Variants in NAALADL2 observed in about 807,000 individuals in gnomAD.
The protein encoded by NAALADL2 is inactive N-acetylated-alpha-linked acidic dipeptidase-like protein 2.
NAALADL2 carries 76 observed loss-of-function variants against 87.2 expected under a neutral mutation model. The observed-to-expected ratio is 0.87, with a 90% confidence interval of 0.72 to 1.05. NAALADL2 has a LOEUF of 1.05. Among genes scored for constraint, NAALADL2 ranks in the 50% least tolerant of loss-of-function variants. NAALADL2 has a pLI of 0.00. For missense variants in NAALADL2, 1,089 were observed against 945.8 expected (o/e 1.15, Z -1.99); for synonymous variants, 354 against 331.0 (o/e 1.07, Z -0.75).
intron 2 of NAALADL2, among the ~76,000 whole-genome samples, chr3:174,671,973 G>A (rs1184868651): frequency 7.6e-6 from 1 of 130,856 alleles, no homozygotes; most frequent in Non-Finnish European, 1.8e-5. Context: ...CAGTGGTGAT[G>A]ATGGCATTGT....
chr3:174,805,203 G>A (rs552812221), intron 3 of NAALADL2, among the ~76,000 whole-genome samples: 5 of 152,078 alleles, frequency 3.3e-5, no homozygotes, highest in African/African-American at 9.7e-5. Context: ...AAACCAAGTG[G>A]TTGCTTCCTA....
chr3:175,658,571 T>C (rs1267593098), intron 11 of NAALADL2, among the ~76,000 whole-genome samples: 2 of 152,194 alleles, frequency 1.3e-5, no homozygotes, highest in Admixed American at 1.3e-4. Flanking sequence ...TGATAGCTTT[T>C]CTGCTTCTTT....
chr3:175,757,218 G>A (rs1747386887), intron 13 of NAALADL2, among the ~76,000 whole-genome samples: 1 of 151,698 alleles, frequency 6.6e-6, no homozygotes, highest in Non-Finnish European at 1.5e-5. Context: ...GTTATAACTA[G>A]GACTAAGGAA....
intron 1 of NAALADL2, among the ~76,000 whole-genome samples, chr3:174,534,711 T>A (rs540406554): frequency 6.6e-6 from 1 of 152,324 alleles, no homozygotes; most frequent in Admixed American, 6.5e-5. Context: ...ATGGCGCCAT[T>A]ATGTTTGAGT....
chr3:174,628,105 T>C (rs1266949308), intron 2 of NAALADL2, among the ~76,000 whole-genome samples: 1 of 152,096 alleles, frequency 6.6e-6, no homozygotes, highest in Non-Finnish European at 1.5e-5. Flanking sequence ...AAATTAAACA[T>C]AATTGTTGTT....
intron 11 of NAALADL2, among the ~76,000 whole-genome samples, chr3:175,666,626 A>G (rs565901915): frequency 6.6e-6 from 1 of 152,276 alleles, no homozygotes; most frequent in African/African-American, 2.4e-5. Context: ...AAGAGTTCAA[A>G]TTTGTTTTAT....
intron 3 of NAALADL2, among the ~76,000 whole-genome samples, chr3:174,828,054 T>C (rs1490466248): frequency 6.6e-6 from 1 of 152,102 alleles, no homozygotes; most frequent in African/African-American, 2.4e-5. Context: ...TGGTGGCTCA[T>C]ACCTGTAGTC....
intron 1 of NAALADL2, among the ~76,000 whole-genome samples, chr3:175,028,035 C>A (rs1219174447): frequency 6.6e-6 from 1 of 152,024 alleles, no homozygotes; most frequent in African/African-American, 2.4e-5. Flanking sequence ...AATTAACCTT[C>A]AGAAACTTTG....
chr3:175,217,060 C>T (rs569350152), intron 2 of NAALADL2, among the ~76,000 whole-genome samples: 4 of 152,286 alleles, frequency 2.6e-5, no homozygotes, highest in Admixed American at 2.6e-4. Context: ...GTATCTAAAA[C>T]ATTGATTCAC....
chr3:174,483,373 G>A (rs964101209), intron 1 of NAALADL2, among the ~76,000 whole-genome samples: 1 of 151,948 alleles, frequency 6.6e-6, no homozygotes, highest in African/African-American at 2.4e-5. Context: ...AAGGGGGAAA[G>A]AGTCCCTTAT....
intron 2 of NAALADL2, among the ~76,000 whole-genome samples, chr3:174,681,049 G>GC (rs1019653239): frequency 3.3e-5 from 5 of 152,104 alleles, no homozygotes; most frequent in African/African-American, 1.2e-4. Context: ...TGTACTAATT[G>GC]CAAGACTTTG....
chr3:174,914,611 CAGTT>C (rs374630043), intron 1 of NAALADL2, among the ~76,000 whole-genome samples: 83 of 152,222 alleles, frequency 5.5e-4, no homozygotes, highest in African/African-American at 1.9e-3. Flanking sequence ...CATAATCTAT[CAGTT>C]AGAACAGGTA....
chr3:175,707,661 C>T (rs6784051), intron 11 of NAALADL2, among the ~76,000 whole-genome samples: 36,196 of 151,820 alleles, frequency 0.24, 5,349 homozygotes, highest in African/African-American at 0.42. Context: ...GGGAGAAATA[C>T]GTTTATAGAG....
chr3:175,778,996 T>C (rs1284609640), intron 13 of NAALADL2, among the ~76,000 whole-genome samples: 1 of 152,168 alleles, frequency 6.6e-6, no homozygotes, highest in Non-Finnish European at 1.5e-5. Flanking sequence ...AGAAATGAAG[T>C]TGAATGCTTA....
rs144238078 is a variant in NAALADL2 at position 175,656,471 on chromosome 3, C to A, written c.1896+29085C>A. ...CAGTCATATGCTTCTTGAGAATTCA[C>A]TGTCAGGAATTTTTCTAATCTCTCA... On this transcript the variant is annotated intron_variant, in intron 11 of 13. Coordinates refer to ENST00000454872, the MANE Select transcript of NAALADL2 (RefSeq NM_207015.3). Among the ~76,000 whole-genome samples the A allele has an allele frequency of 1.4e-3, 209 of 152,294 alleles. 1 individual carries two copies. The highest frequency in any genetic ancestry group is 4.5e-3 in the African/African-American group (186 of 41,578).
At chr3:175,333,136 C>A (rs1310892257) in intron 5 of NAALADL2, among the ~76,000 whole-genome samples, 1 of 152,138 alleles carries the variant, frequency 6.6e-6, no homozygotes, top group Non-Finnish European at 1.5e-5. Flanking sequence ...GCAGGATAAA[C>A]CTCTCTTTGT....
At chr3:174,453,819 C>T (rs368845328) in intron 1 of NAALADL2, among the ~76,000 whole-genome samples, 18 of 152,120 alleles carry the variant, frequency 1.2e-4, no homozygotes, top group African/African-American at 3.4e-4. Flanking sequence ...CTTAAGGACA[C>T]AAACCAACAA....
At chr3:174,775,312 T>C (rs1417587539) in intron 3 of NAALADL2, among the ~76,000 whole-genome samples, 1 of 152,052 alleles carries the variant, frequency 6.6e-6, no homozygotes, top group Non-Finnish European at 1.5e-5. Flanking sequence ...CTCATAACTC[T>C]AGCCTCTGCA....
At chr3:175,802,399 A>G (rs1754280220) in intron 13 of NAALADL2, among the ~76,000 whole-genome samples, 1 of 151,926 alleles carries the variant, frequency 6.6e-6, no homozygotes, top group Admixed American at 6.6e-5. Flanking sequence ...TTTTACACTA[A>G]AGGAGGAGTG....
Sources: gnomAD v4.1 joint callset for allele counts (sites outside exome capture counted in the v4.1 genomes callset) on GRCh38, gnomAD v4.1.1 for gene constraint, MANE v1.5 for transcripts, NCBI Gene and HGNC (gene_info 2026-07-23, HGNC 2026-07-21) for gene names.